Variants in NFATC1 observed in about 807,000 individuals in gnomAD.
NFATC1 encodes nuclear factor of activated T-cells, cytoplasmic 1.
NFATC1 carries 22 observed loss-of-function variants against 76.0 expected under a neutral mutation model. That is an observed-to-expected ratio of 0.29 (90% CI 0.21 to 0.41). The LOEUF is 0.41. NFATC1 is among the 10% of genes least tolerant of loss of function. The probability of loss-of-function intolerance (pLI) is 1.00; values close to 1 mark genes in which losing one functional copy is unlikely to be tolerated. For missense variants in NFATC1, 1,357 were observed against 1,337.7 expected (o/e 1.01, Z -0.23); for synonymous variants, 704 against 613.1 (o/e 1.15, Z -2.19).
At chr18:79,505,942 G>T (rs1482030817) in intron 9 of NFATC1, among the ~76,000 whole-genome samples, 1 of 152,146 alleles carries the variant, frequency 6.6e-6, no homozygotes, top group Non-Finnish European at 1.5e-5. Flanking sequence ...GAGCCCCTTG[G>T]GTGATGGAAG....
intron 9 of NFATC1, among the ~76,000 whole-genome samples, chr18:79,490,577 T>G (rs992784283): frequency 1.6e-4 from 24 of 152,154 alleles, no homozygotes; most frequent in African/African-American, 5.3e-4. Flanking sequence ...CCACCCACTC[T>G]AGACACCTGT....
At chr18:79,443,252 T>G (rs2087055197) in intron 3 of NFATC1, among the ~76,000 whole-genome samples, 1 of 152,190 alleles carries the variant, frequency 6.6e-6, no homozygotes, top group African/African-American at 2.4e-5. Context: ...GTGAACTCAG[T>G]ATTGTCAGCT....
intron 1 of NFATC1, 23 bp downstream of exon 1, chr18:79,396,374 C>T (rs1228655473): frequency 3.2e-6 from 4 of 1,268,468 alleles, no homozygotes; most frequent in Non-Finnish European, 3.0e-6. Flanking sequence ...CGGCCTCCGC[C>T]CCCGGACCCC....
chr18:79,453,430 C>T (rs951483899), intron 6 of NFATC1, among the ~76,000 whole-genome samples: 5 of 152,246 alleles, frequency 3.3e-5, no homozygotes, highest in East Asian at 1.9e-4. Flanking sequence ...CACCAGCCTG[C>T]GAGGGCCAGG....
At chr18:79,438,397 A>G (rs2086856078) in intron 3 of NFATC1, among the ~76,000 whole-genome samples, 2 of 152,138 alleles carry the variant, frequency 1.3e-5, no homozygotes, top group South Asian at 4.1e-4. Flanking sequence ...CTCCACCTCC[A>G]TGGCACCCAC....
In NFATC1 at chr18:79,499,326, A is replaced by T. The variant is rs562064628; in HGVS notation, c.2782+12389A>T. The stretch of plus-strand genomic sequence containing the variant: ...GTTGTAATCTCCAGAGGAACCACTA[A>T]GAAAATATATATGTGTGTGAGTGTG... On this transcript the variant is annotated intron_variant, in intron 9 of 9. Transcript: ENST00000427363. Among the ~76,000 whole-genome samples, 8 of 142,170 alleles carry T rather than the reference A, an allele frequency of 5.6e-5. No homozygotes were observed. In the South Asian group the frequency reaches 1.8e-3, roughly 33 times the overall value. 93.3% of individuals were successfully genotyped at this position (142,170 alleles called of 152,430 possible). A position where few individuals can be genotyped will look rare whatever the true frequency, so the allele number is the denominator to read the frequency against.
intron 2 of NFATC1, among the ~76,000 whole-genome samples, chr18:79,416,119 G>A (rs534077327): frequency 3.3e-5 from 5 of 152,340 alleles, no homozygotes; most frequent in Admixed American, 3.3e-4. Context: ...CTGCAATATT[G>A]AAGATTTTAG....
intron 1 of NFATC1, chr18:79,402,502 C>T: frequency 1.5e-6 from 1 of 669,844 alleles, no homozygotes; most frequent in Non-Finnish European, 1.8e-6. Flanking sequence ...CGGAGCTGCG[C>T]CCTTCCCCGG....
intron 2 of NFATC1, among the ~76,000 whole-genome samples, chr18:79,414,674 T>G (rs1024858723): frequency 6.6e-6 from 1 of 152,222 alleles, no homozygotes; most frequent in Non-Finnish European, 1.5e-5. Context: ...TTGGGGGGAC[T>G]GGCACAGGAA....
intron 7 of NFATC1, among the ~76,000 whole-genome samples, chr18:79,461,699 TTTGCTGTCCCC>T (rs1485235403): frequency 2.0e-5 from 3 of 152,128 alleles, no homozygotes; most frequent in African/African-American, 7.2e-5. Flanking sequence ...CCTCCCGCCC[TTTGCTGTCCCC>T]TTGCTGTCAC....
At chr18:79,422,494 C>A (rs1465739525) in intron 2 of NFATC1, 1 of 152,242 alleles carries the variant, frequency 6.6e-6, no homozygotes, top group Non-Finnish European at 1.5e-5. Context: ...ACTTCCCCGC[C>A]CTCCGGACCA....
intron 6 of NFATC1, among the ~76,000 whole-genome samples, chr18:79,457,983 G>A (rs555412939): frequency 5.3e-5 from 8 of 152,330 alleles, no homozygotes; most frequent in South Asian, 2.1e-4. Context: ...CCTGTCTGTC[G>A]ATGGCACTAG....
chr18:79,436,533 C>T (rs1033345339), intron 3 of NFATC1, among the ~76,000 whole-genome samples: 10 of 152,182 alleles, frequency 6.6e-5, no homozygotes, highest in African/African-American at 1.9e-4. Context: ...TCCTCCCGCA[C>T]CCGGCGTCCG....
chr18:79,400,433 C>T (rs1475910530), intron 1 of NFATC1: 9 of 1,495,580 alleles, frequency 6.0e-6, no homozygotes, highest in Non-Finnish European at 8.0e-6. Context: ...TCGAGTTCCT[C>T]TTCGAGTTTA....
chr18:79,433,014 G>A (rs562968064), intron 2 of NFATC1, among the ~76,000 whole-genome samples: 5 of 152,248 alleles, frequency 3.3e-5, no homozygotes, highest in East Asian at 1.9e-4. Flanking sequence ...GCCCTGCTGC[G>A]TTTGCTCCCA....
At position 79,448,732 on chromosome 18, in the gene NFATC1, G is replaced by A. The variant is rs757151480; in HGVS notation, c.1387-50G>A. ...TTTTCTCTGCGTTCCGGTGACTCCC[G>A]GCGGTCTGTGCTCTGGGTGCTGAGC... is the stretch of plus-strand genomic sequence containing the variant. On this transcript the variant is annotated intron_variant, in intron 3 of 9. Transcript: ENST00000427363. 1.5e-5 allele frequency: 23 copies of A among 1,577,032 alleles called. 1 individual carries two copies. The highest frequency in any genetic ancestry group is 1.2e-4 in the African/African-American group (9 of 74,274).
chr18:79,510,817 TCTGCCGGGGCATCC>T (rs2090226075), intron 9 of NFATC1, among the ~76,000 whole-genome samples: 1 of 12,828 alleles, frequency 7.8e-5, no homozygotes, highest in East Asian at 6.2e-4. Context: ...ACGGGGCTCC[TCTGCCGGGGCATCC>T]TCTGCCGGGG....
intron 1 of NFATC1, among the ~76,000 whole-genome samples, chr18:79,408,950 TCATC>T (rs1403531529): frequency 2.2e-5 from 3 of 138,836 alleles, no homozygotes; most frequent in East Asian, 2.2e-4. Context: ...CATTCATTCA[TCATC>T]CATCCATCCA....
Position 79,524,026 on chromosome 18 carries a change from G to A in NFATC1, c.2783-3502G>A, listed in dbSNP as rs189601448. 3.3e-5 allele frequency: 5 copies of A among 152,384 alleles called. No homozygotes were observed. The highest frequency in any genetic ancestry group is 7.2e-5 in the African/African-American group (3 of 41,580). 9.4% of individuals were successfully genotyped at this position (152,384 alleles called of 1,614,324 possible). ...AATAAGAAGATGGAAATTATCAGCA[G>A]AGAGAGCTGGTATGGGAAACCGTAG... On this transcript the variant is annotated intron_variant, in intron 9 of 9. Coordinates refer to ENST00000427363, the MANE Select transcript of NFATC1 (RefSeq NM_001278669.2). The surrounding 1 kb of genome is among the most constrained non-coding windows in gnomAD (Gnocchi z 7.2).
Sources: gnomAD v4.1 joint callset for allele counts (sites outside exome capture counted in the v4.1 genomes callset) on GRCh38, gnomAD v4.1.1 for gene constraint, Gnocchi (gnomAD v3.1) non-coding constraint, MANE v1.5 for transcripts, NCBI Gene and HGNC (gene_info 2026-07-23, HGNC 2026-07-21) for gene names.